VAV2: variants seen among roughly 807,000 people sequenced by gnomAD.
VAV2 encodes the protein guanine nucleotide exchange factor VAV2.
VAV2 carries 67 observed loss-of-function variants against 132.5 expected under a neutral mutation model. The observed-to-expected ratio is 0.51, with a 90% CI of 0.42 to 0.62. The LOEUF (loss-of-function observed/expected upper bound fraction) is 0.62, where lower values mean the gene tolerates loss of function less well. VAV2 is among the 20% of genes least tolerant of loss of function. The pLI is 0.00. For synonymous variants in VAV2, 492 were observed against 443.5 expected (o/e 1.11, Z -1.37); for missense variants, 938 against 1,153.6 (o/e 0.81, Z 2.71).
chr9:133,972,534 G>T (rs1169112031), intron 1 of VAV2, among the ~76,000 whole-genome samples: 2 of 152,214 alleles, frequency 1.3e-5, no homozygotes, highest in Non-Finnish European at 2.9e-5. Context: ...TGTAGCCGAG[G>T]GGCGGCCCGC....
chr9:133,770,122 AC>A (rs1281501813), intron 27 of VAV2, among the ~76,000 whole-genome samples: 1 of 151,968 alleles, frequency 6.6e-6, no homozygotes, highest in Admixed American at 6.5e-5. Flanking sequence ...GGCCCCTCCA[AC>A]CCCCACTGGT....
intron 1 of VAV2, among the ~76,000 whole-genome samples, chr9:133,950,152 CT>C (rs1188694894): frequency 1.3e-5 from 2 of 152,224 alleles, no homozygotes; most frequent in Non-Finnish European, 2.9e-5. Flanking sequence ...CCAGCAACCC[CT>C]GGCACAGGCA....
chr9:133,862,016 G>A (rs979346344), intron 2 of VAV2, among the ~76,000 whole-genome samples: 1 of 152,270 alleles, frequency 6.6e-6, no homozygotes, highest in East Asian at 1.9e-4. Context: ...GGCTCGGGAT[G>A]CAGAAGGTCA....
intron 2 of VAV2, among the ~76,000 whole-genome samples, chr9:133,873,359 A>G (rs547457554): frequency 6.6e-6 from 1 of 152,070 alleles, no homozygotes; most frequent in Admixed American, 6.5e-5. Context: ...GAATAAGGAA[A>G]CCGCAAGACA....
Position 133,796,806 on chromosome 9 carries a change from G to C in VAV2, c.937-282C>G, listed in dbSNP as rs113505917. 6.5e-3 allele frequency among the ~76,000 whole-genome samples: 992 copies of C among 152,320 alleles called. 12 individuals are homozygous for C. Among genetic ancestry groups the C allele is most frequent in the Non-Finnish European group, 8.6e-3 (584 of 68,024 alleles). On this transcript the variant is annotated intron_variant, in intron 10 of 29. Coordinates refer to ENST00000371850, the MANE Select transcript of VAV2 (RefSeq NM_001134398.2). ...GGAAACCCTCTCGGGGCGCCTGCTG[G>C]GCCTGTCTGGATGTGGCCTTGACTC...
chr9:133,790,787 G>A (rs1018919223), intron 13 of VAV2, among the ~76,000 whole-genome samples: 2 of 151,844 alleles, frequency 1.3e-5, no homozygotes, highest in East Asian at 1.9e-4. Context: ...CGTGCCCCAC[G>A]TTCGCGGAGG....
At chr9:133,989,355 C>A (rs867760011) in intron 1 of VAV2, among the ~76,000 whole-genome samples, 1,902 of 95,728 alleles carry the variant, frequency 0.02, 29 homozygotes, top group African/African-American at 0.052. Flanking sequence ...AAAAAAAAAA[C>A]AAAAAATACA....
At chr9:133,767,271 G>C (rs1833468933) in intron 29 of VAV2, among the ~76,000 whole-genome samples, 2 of 152,106 alleles carry the variant, frequency 1.3e-5, no homozygotes, top group African/African-American at 4.8e-5. Flanking sequence ...AGTAGTATGA[G>C]AGAAAATAAT....
intron 1 of VAV2, among the ~76,000 whole-genome samples, chr9:133,972,053 C>G (rs936486541): frequency 6.6e-6 from 1 of 152,180 alleles, no homozygotes; most frequent in Admixed American, 6.5e-5. Context: ...GACCAAGCCC[C>G]AATTCCTGTC....
chr9:133,861,131 C>G lies in VAV2; in HGVS notation c.380+243G>C, dbSNP rs145479567. On this transcript the variant is annotated intron_variant, in intron 3 of 29. Transcript: ENST00000371850. ...AATTTGCTGATCTTATTACCTAAAT[C>G]GAAAGAGATTTTGCAGCCGTCAGTA... The G allele has an allele frequency of 3.9e-5, 18 of 460,478 alleles. 1 individual carries two copies. Among genetic ancestry groups the G allele is most frequent in the Non-Finnish European group, 6.6e-5 (17 of 258,898 alleles). 28.5% of individuals were successfully genotyped at this position (460,478 alleles called of 1,614,324 possible). A position where few individuals can be genotyped will look rare whatever the true frequency, so the allele number is the denominator to read the frequency against.
chr9:133,842,176 G>T (rs1425922945), intron 3 of VAV2, among the ~76,000 whole-genome samples: 7 of 152,244 alleles, frequency 4.6e-5, no homozygotes, highest in Admixed American at 1.3e-4. Flanking sequence ...CCCACACTCT[G>T]CTGGCATCTC....
chr9:133,763,439 T>A lies in VAV2; in HGVS notation c.*623A>T, dbSNP rs28615167. On this transcript the variant is annotated 3_prime_UTR_variant, in exon 30 of 30. Transcript: ENST00000371850. The surrounding 1 kb of genome is among the most constrained non-coding windows in gnomAD (Gnocchi z 6.8). The stretch of plus-strand genomic sequence containing the variant: ...GGTGTGCCCCTGGCAAGGAGGGGAG[T>A]GGGGGAGTCAGGGAAGTCTTGGGAG... 0.018 allele frequency: 2,735 copies of A among 150,336 alleles called. 76 individuals are homozygous for A. Among genetic ancestry groups the A allele is most frequent in the African/African-American group, 0.063 (2,563 of 40,594 alleles). 9.3% of individuals were successfully genotyped at this position (150,336 alleles called of 1,614,324 possible).
intron 2 of VAV2, among the ~76,000 whole-genome samples, chr9:133,896,041 C>T (rs1839188112): frequency 1.0e-5 from 1 of 95,424 alleles, no homozygotes; most frequent in African/African-American, 4.5e-5. Context: ...AACAAGTGAA[C>T]AAAGGTCTCT....
chr9:133,786,315 T>TGTGCAC (rs1834221856), intron 16 of VAV2, among the ~76,000 whole-genome samples: 1 of 152,166 alleles, frequency 6.6e-6, no homozygotes, highest in African/African-American at 2.4e-5. Flanking sequence ...TACTAACACG[T>TGTGCAC]ATGATGCACA....
intron 3 of VAV2, among the ~76,000 whole-genome samples, chr9:133,853,633 G>A (rs1837272347): frequency 6.6e-6 from 1 of 151,980 alleles, no homozygotes; most frequent in Non-Finnish European, 1.5e-5. Context: ...CCCCTTTGCT[G>A]CACCAAAGCG....
chr9:133,860,829 A>G (rs184756487), intron 3 of VAV2, among the ~76,000 whole-genome samples: 14 of 152,252 alleles, frequency 9.2e-5, no homozygotes, highest in African/African-American at 2.9e-4. Context: ...CAAGTGCCCC[A>G]TCCAAGTGTC....
At chr9:133,973,357 G>A (rs1842402610) in intron 1 of VAV2, among the ~76,000 whole-genome samples, 1 of 152,204 alleles carries the variant, frequency 6.6e-6, no homozygotes, top group African/African-American at 2.4e-5. Flanking sequence ...CCACAACCAG[G>A]AAAGAACAGG....
intron 2 of VAV2, among the ~76,000 whole-genome samples, chr9:133,891,266 G>C (rs1409844763): frequency 1.4e-5 from 2 of 141,758 alleles, no homozygotes; most frequent in East Asian, 2.2e-4. Flanking sequence ...AGGAGGGATG[G>C]GGGGGAGGGT....
intron 8 of VAV2, 39 bp downstream of exon 8, chr9:133,807,219 C>A: frequency 6.3e-7 from 1 of 1,594,912 alleles, no homozygotes; most frequent in Non-Finnish European, 8.5e-7. Flanking sequence ...GAGTTAGGGC[C>A]CCGAGCCTGG....
Sources: allele counts gnomAD v4.1 joint callset (sites outside exome capture counted in the v4.1 genomes callset), GRCh38; gene constraint gnomAD v4.1.1; non-coding constraint Gnocchi (gnomAD v3.1); transcripts MANE v1.5; gene names NCBI Gene and HGNC (gene_info 2026-07-23, HGNC 2026-07-21).